Variants in U2AF2 observed in about 807,000 individuals in gnomAD.
U2AF2 encodes U2 small nuclear RNA auxiliary factor 2, also known as splicing factor U2AF 65 kDa subunit.
A neutral mutation model predicts 52.6 loss-of-function variants in U2AF2; 6 were observed. That is an observed-to-expected ratio of 0.11 (90% CI 0.06 to 0.23). The LOEUF is 0.23. Among genes scored for constraint, U2AF2 ranks in the 10% least tolerant of loss-of-function variants. The pLI, the probability that U2AF2 is intolerant of heterozygous loss-of-function variation, is 1.00. For synonymous variants in U2AF2, 284 were observed against 258.2 expected (o/e 1.10, Z -0.96); for missense variants, 222 against 677.1 (o/e 0.33, Z 7.46).
rs774760219 is a variant in U2AF2 at position 55,659,715 on chromosome 19, C to T, written c.185+370C>T. Among the ~76,000 whole-genome samples, 30 of 152,104 alleles carry T rather than the reference C, an allele frequency of 2.0e-4. 1 individual carries two copies. The highest frequency in any genetic ancestry group is 3.7e-4 in the Non-Finnish European group (25 of 67,984). The stretch of plus-strand genomic sequence containing the variant: ...CTGTGGCTCTCTGTGGGACTCTCTT[C>T]GAGGGGGTTGGTCTCTGCCTCCAGT... On this transcript the variant is annotated intron_variant, in intron 2 of 11. Transcript: ENST00000308924.
intron 7 of U2AF2, among the ~76,000 whole-genome samples, chr19:55,664,299 C>T (rs959664293): frequency 7.9e-5 from 12 of 152,238 alleles, no homozygotes; most frequent in African/African-American, 7.2e-5. Flanking sequence ...AGCAGCCGGA[C>T]GGTGTCTGCG....
In U2AF2 at chr19:55,668,604, C is replaced by T. The variant is rs1347952445; in HGVS notation, c.822+18C>T. The stretch of plus-strand genomic sequence containing the variant: ...ATGACCAGGTAACTTCCCTGCCTCC[C>T]TCCAGACCCGTCCCCCCACCCCGCC... On this transcript the variant is annotated intron_variant, in intron 8 of 11. Transcript: ENST00000308924. The surrounding 1 kb of genome is among the most constrained non-coding windows in gnomAD (Gnocchi z 5.5). 1.2e-6 allele frequency: 2 copies of T among 1,602,546 alleles called. No homozygotes were observed. The highest frequency in any genetic ancestry group is 2.2e-5 in the South Asian group (2 of 89,712).
At chr19:55,664,074 TCA>T in intron 7 of U2AF2, 1 of 283,058 alleles carries the variant, frequency 3.5e-6, no homozygotes, top group Non-Finnish European at 6.7e-6. Flanking sequence ...CTTGGAGGGC[TCA>T]GTCTGTGCCC....
At chr19:55,669,980 T>C (rs1260812252) in intron 11 of U2AF2, among the ~76,000 whole-genome samples, 1 of 152,136 alleles carries the variant, frequency 6.6e-6, no homozygotes, top group Non-Finnish European at 1.5e-5. Flanking sequence ...TCTGTATCGC[T>C]GTAGAACTTG....
chr19:55,666,354 C>T (rs1009218578), intron 7 of U2AF2, among the ~76,000 whole-genome samples: 2 of 152,234 alleles, frequency 1.3e-5, no homozygotes, highest in African/African-American at 4.8e-5. Context: ...GGCCCTGTTT[C>T]CCCGCCCAAC....
chr19:55,668,997 GC>G lies in U2AF2; in HGVS notation c.946-82del. ...TGCCTTCCCCTCTTCCCCCACCAAT[GC>G]CCCGGCTTGGGGGTAGGTGTCGGGC... On this transcript the variant is annotated intron_variant, in intron 9 of 11. Transcript: ENST00000308924. This position sits in a 1 kb window ranked among gnomAD's most constrained non-coding sequence, Gnocchi z 5.5. 6.6e-7 allele frequency: 1 copy of G among 1,516,062 alleles called. No homozygotes were observed. Among genetic ancestry groups the G allele is most frequent in the Non-Finnish European group, 9.0e-7 (1 of 1,115,636 alleles). 93.9% of individuals were successfully genotyped at this position (1,516,062 alleles called of 1,614,324 possible).
intron 5 of U2AF2, 156 bp downstream of exon 5, chr19:55,661,345 A>G: frequency 1.2e-6 from 1 of 813,436 alleles, no homozygotes; most frequent in Non-Finnish European, 1.7e-6. Context: ...TGAGCCAGCC[A>G]GGGGCCGGGC....
At chr19:55,662,295 T>C in intron 5 of U2AF2, 1 of 469,590 alleles carries the variant, frequency 2.1e-6, no homozygotes, top group Non-Finnish European at 3.8e-6. Flanking sequence ...TTGCTACTGC[T>C]TCCTCCCCAT....
intron 1 of U2AF2, 173 bp from the exon 2 acceptor site, chr19:55,659,037 C>T (rs1285256938): frequency 3.7e-6 from 4 of 1,081,874 alleles, no homozygotes; most frequent in South Asian, 3.0e-5. Context: ...CCCTCATGGT[C>T]CCTGGACTCG....
At chr19:55,655,442 G>C (rs1381829465) in intron 1 of U2AF2, among the ~76,000 whole-genome samples, 1 of 152,232 alleles carries the variant, frequency 6.6e-6, no homozygotes, top group Admixed American at 6.5e-5. Context: ...GCACGAGCGC[G>C]CCAGATGCCT....
Position 55,669,611 on chromosome 19 carries a change from C to G in U2AF2, c.1212C>G (p.Asp404Glu), listed in dbSNP as rs150014824. The change falls in exon 11 of 12, where the codon GAC becomes GAG. Residue 404 changes from aspartate to glutamate, a missense_variant. By Grantham distance (45) the Asp-to-Glu change is conservative. Coordinates refer to ENST00000308924, the MANE Select transcript of U2AF2 (RefSeq NM_007279.3). ...EYEEIVEDVRDECSKYGLVKS... is the reference protein window; with the variant it reads ...EYEEIVEDVREECSKYGLVKS... ...AGGAGATCGTGGAGGACGTGCGGGA[C>G]GAGTGCAGCAAGTACGGGCTTGTCA... is the stretch of plus-strand genomic sequence containing the variant. 2.5e-6 allele frequency: 4 copies of G among 1,613,654 alleles called. No homozygotes were observed. In the South Asian group the frequency reaches 4.4e-5, roughly 18 times the overall value.
At chr19:55,661,314 T>G in intron 5 of U2AF2, 125 bp downstream of exon 5, 2 of 1,070,136 alleles carry the variant, frequency 1.9e-6, no homozygotes, top group Non-Finnish European at 2.4e-6. Flanking sequence ...CCCGGCCCCC[T>G]CCCAGACGGA....
intron 11 of U2AF2, among the ~76,000 whole-genome samples, chr19:55,673,360 A>G (rs1985051722): frequency 6.6e-6 from 1 of 152,050 alleles, no homozygotes; most frequent in African/African-American, 2.4e-5. Flanking sequence ...TGTAGAAGAA[A>G]TAAGTTCATC....
chr19:55,655,624 G>A (rs530829609), intron 1 of U2AF2, among the ~76,000 whole-genome samples: 2 of 152,114 alleles, frequency 1.3e-5, no homozygotes, highest in South Asian at 2.1e-4. Flanking sequence ...AGAACTTGGT[G>A]GGGGGGCCCC....
chr19:55,669,359 G>C (rs556220780), intron 10 of U2AF2, 85 bp from the exon 11 acceptor site: 67 of 1,543,948 alleles, frequency 4.3e-5, no homozygotes, highest in Middle Eastern at 1.8e-4. Flanking sequence ...TTTCCCCTGG[G>C]GGGGCATGTG....
intron 6 of U2AF2, 65 bp from the exon 7 acceptor site, chr19:55,663,541 G>T (rs927976208): frequency 4.5e-6 from 7 of 1,553,304 alleles, no homozygotes; most frequent in Admixed American, 1.9e-5. Context: ...TCCCAATCCT[G>T]GAACACTAGG....
At chr19:55,660,279 G>C in intron 3 of U2AF2, 58 bp downstream of exon 3, 1 of 1,573,770 alleles carries the variant, frequency 6.4e-7, no homozygotes, top group East Asian at 2.3e-5. Flanking sequence ...CCTTCCTCAC[G>C]CCCGTGCACC....
In U2AF2 at chr19:55,655,130, G is replaced by T; in HGVS notation, c.26G>T (p.Arg9Leu). The T allele has an allele frequency of 6.2e-7, 1 of 1,605,226 alleles. No homozygotes were observed. Residue 9 changes from arginine to leucine, a missense_variant, in exon 1 of 12, where the codon CGG becomes CTG. Transcript: ENST00000308924. ...ATGTCGGACTTCGACGAGTTCGAGC[G>T]GCAGCTCAACGAGAATAAACAAGGT... MSDFDEFE[R>L]QLNENKQERD...
chr19:55,669,946 G>A (rs1984786926), intron 11 of U2AF2, among the ~76,000 whole-genome samples: 2 of 152,214 alleles, frequency 1.3e-5, no homozygotes, highest in Admixed American at 1.3e-4. Flanking sequence ...ACCTGCAGGC[G>A]AGACAGTAGT....
Sources: gnomAD v4.1 joint callset for allele counts (sites outside exome capture counted in the v4.1 genomes callset) on GRCh38, gnomAD v4.1.1 for gene constraint, Gnocchi (gnomAD v3.1) non-coding constraint, MANE v1.5 for transcripts, NCBI Gene and HGNC (gene_info 2026-07-23, HGNC 2026-07-21) for gene names.